The following FAM221A variants were observed in gnomAD, a reference collection of about 807,000 sequenced individuals.
The protein encoded by FAM221A is protein FAM221A.
FAM221A carries 43 observed loss-of-function variants against 37.6 expected under a neutral mutation model. That is an observed-to-expected ratio of 1.15 (90% CI 0.90 to 1.48). The LOEUF (loss-of-function observed/expected upper bound fraction) is 1.48, where lower values mean the gene tolerates loss of function less well. Ranked by LOEUF, FAM221A falls within the 40% of genes most tolerant of loss-of-function variation. The pLI is 0.00. For missense variants in FAM221A, 361 were observed against 361.5 expected, an observed-to-expected ratio of 1.00 and a Z score of 0.01; for synonymous variants, 135 against 132.9, an observed-to-expected ratio of 1.02 and a Z score of -0.11.
chr7:23,684,621 G>A lies in FAM221A; in HGVS notation c.188G>A (p.Gly63Glu). Residue 63 changes from glycine to glutamate, a missense_variant, in exon 2 of 7, where the codon GGG (glycine) becomes GAG (glutamate). Transcript: ENST00000344962. ...TTTGTGAGCTGGCGGTCACCAACAG[G>A]GATGGATTGTAAACTTGTGGGCCCA... is the stretch of plus-strand genomic sequence containing the variant. ...RLFVSWRSPT[G>E]MDCKLVGPET... 1 of 1,614,088 alleles carries A rather than the reference G, an allele frequency of 6.2e-7. No homozygotes were observed. Among genetic ancestry groups the A allele is most frequent in the Non-Finnish European group, 8.5e-7 (1 of 1,179,986 alleles).
At chr7:23,690,809 A>G (rs944003394) in intron 3 of FAM221A, among the ~76,000 whole-genome samples, 1 of 152,126 alleles carries the variant, frequency 6.6e-6, no homozygotes, top group Non-Finnish European at 1.5e-5. Context: ...GGCAACCCAT[A>G]ATCTACTTTC....
At chr7:23,682,169 G>T (rs1006953560) in intron 1 of FAM221A, among the ~76,000 whole-genome samples, 1 of 150,528 alleles carries the variant, frequency 6.6e-6, no homozygotes. Context: ...GAGCTGAAGC[G>T]ACTCTCTCTT....
At chr7:23,688,794 G>A (rs891439603) in intron 2 of FAM221A, 5 of 152,252 alleles carry the variant, frequency 3.3e-5, no homozygotes, top group Admixed American at 2.0e-4. Flanking sequence ...GTGCCACAAC[G>A]GCCAGCTAAT....
intron 2 of FAM221A, chr7:23,688,608 A>G (rs180861357): frequency 2.4e-4 from 36 of 152,214 alleles, no homozygotes; most frequent in South Asian, 6.2e-4. Flanking sequence ...CACTGTGACA[A>G]AAATAACATT....
chr7:23,689,025 A>G (rs1237373469), intron 2 of FAM221A: 5 of 336,420 alleles, frequency 1.5e-5, no homozygotes, highest in Admixed American at 4.2e-5. Flanking sequence ...TATTCTTTGT[A>G]TTGCTGTGAA....
At chr7:23,682,842 G>T (rs1784137331) in intron 1 of FAM221A, among the ~76,000 whole-genome samples, 1 of 152,110 alleles carries the variant, frequency 6.6e-6, no homozygotes, top group Non-Finnish European at 1.5e-5. Context: ...ATCTTTTAAA[G>T]ATCCGTATTT....
At chr7:23,696,422 G>A (rs1785065387) in intron 4 of FAM221A, among the ~76,000 whole-genome samples, 1 of 152,116 alleles carries the variant, frequency 6.6e-6, no homozygotes, top group Non-Finnish European at 1.5e-5. Context: ...GCTGGGCCTG[G>A]TATTGTGTGT....
At chr7:23,697,150 C>G (rs925376732) in intron 4 of FAM221A, among the ~76,000 whole-genome samples, 2 of 152,186 alleles carry the variant, frequency 1.3e-5, no homozygotes, top group Non-Finnish European at 2.9e-5. Context: ...CATGCAGCCG[C>G]CAGAGGGCAG....
chr7:23,692,139 T>A lies in FAM221A; in HGVS notation c.637+543T>A, dbSNP rs936500319. ...TTCTTGCATACATATATGTTGTAAA[T>A]AATGTAGGGAAAGTTTAATAGGATC... On this transcript the variant is annotated intron_variant, in intron 4 of 6. Transcript: ENST00000344962. The A allele has an allele frequency of 4.5e-6, 4 of 897,292 alleles. No homozygotes were observed. In the African/African-American group the frequency reaches 7.1e-5, roughly 16 times the overall value. The allele number at this position is 897,292 out of a possible 1,614,324, so 55.6% of individuals were successfully genotyped here. A position where few individuals can be genotyped will look rare whatever the true frequency, so the allele number is the denominator to read the frequency against.
At chr7:23,685,001 G>A (rs1784281841) in intron 2 of FAM221A, among the ~76,000 whole-genome samples, 1 of 152,206 alleles carries the variant, frequency 6.6e-6, no homozygotes, top group African/African-American at 2.4e-5. Context: ...TGTAATTCCA[G>A]CACTTTGGGA....
chr7:23,680,640 A>C, intron 1 of FAM221A: 1 of 194,836 alleles, frequency 5.1e-6, no homozygotes, highest in Non-Finnish European at 1.0e-5. Context: ...CATCAAATTA[A>C]CCCAGTAATT....
chr7:23,695,607 A>G (rs955454188), intron 4 of FAM221A, among the ~76,000 whole-genome samples: 4 of 152,160 alleles, frequency 2.6e-5, no homozygotes, highest in African/African-American at 9.7e-5. Context: ...TCCTGACCTC[A>G]GGTGATCTGC....
chr7:23,698,663 A>C (rs1225050178), intron 5 of FAM221A, among the ~76,000 whole-genome samples: 1 of 152,236 alleles, frequency 6.6e-6, no homozygotes, highest in East Asian at 1.9e-4. Context: ...ATAGGTTAGC[A>C]GGGTTTTATC....
chr7:23,697,172 G>A (rs530172130), intron 4 of FAM221A, among the ~76,000 whole-genome samples: 15 of 152,312 alleles, frequency 9.8e-5, no homozygotes, highest in Non-Finnish European at 1.9e-4. Context: ...ACAAGGACGT[G>A]CGTGGGCCAG....
chr7:23,691,661 G>T, intron 4 of FAM221A, 65 bp downstream of exon 4: 1 of 1,319,128 alleles, frequency 7.6e-7, no homozygotes, highest in Non-Finnish European at 1.1e-6. Flanking sequence ...CAATAGTGAA[G>T]CCTTATATTT....
chr7:23,700,668 C>T, intron 5 of FAM221A, 118 bp from the exon 6 acceptor site: 1 of 631,714 alleles, frequency 1.6e-6, no homozygotes. Context: ...TCATTTAGGC[C>T]ATTTTTGGTT....
intron 1 of FAM221A, 86 bp from the exon 2 acceptor site, chr7:23,684,413 T>C: frequency 1.3e-6 from 1 of 751,862 alleles, no homozygotes; most frequent in Admixed American, 3.6e-5. Context: ...GCTTACAAAT[T>C]TATTTAATAT....
intron 3 of FAM221A, among the ~76,000 whole-genome samples, chr7:23,690,184 TATATATATATA>T (rs1784636595): frequency 5.6e-5 from 3 of 53,660 alleles, no homozygotes; most frequent in Non-Finnish European, 8.1e-5. Context: ...TATATATATA[TATATATATATA>T]TATATTTTTT....
intron 3 of FAM221A, 143 bp from the exon 4 acceptor site, chr7:23,691,247 G>A: frequency 1.5e-6 from 1 of 664,506 alleles, no homozygotes; most frequent in African/African-American, 1.8e-5. Context: ...AAGAACAGTG[G>A]CTAGGAAGGA....
Sources: gnomAD v4.1 joint callset for allele counts (sites outside exome capture counted in the v4.1 genomes callset) on GRCh38, gnomAD v4.1.1 for gene constraint, MANE v1.5 for transcripts, NCBI Gene and HGNC (gene_info 2026-07-23, HGNC 2026-07-21) for gene names.